The following COL5A1 variants were observed in gnomAD, a reference collection of about 807,000 sequenced individuals.
COL5A1 encodes collagen alpha-1(V) chain.
In COL5A1, 16 loss-of-function variants were observed where a neutral mutation model predicts 263.7. The ratio of observed to expected loss-of-function variants is 0.06; its 90% confidence interval spans 0.04 to 0.09. COL5A1 has a LOEUF of 0.09. Ranked by LOEUF, COL5A1 falls within the 10% of genes least tolerant of loss-of-function variation. The pLI is 1.00. For synonymous variants in COL5A1, 1,012 were observed against 1,004.5 expected, an observed-to-expected ratio of 1.01 and a Z score of -0.14; for missense variants, 2,036 against 2,540.5, an observed-to-expected ratio of 0.80 and a Z score of 4.27.
At chr9:134,744,193 C>T (rs1835389537) in intron 11 of COL5A1, among the ~76,000 whole-genome samples, 1 of 152,180 alleles carries the variant, frequency 6.6e-6, no homozygotes, top group South Asian at 2.1e-4. Context: ...TGGGACACGC[C>T]AATCCAGTCT....
chr9:134,760,704 C>A (rs1398300296), intron 18 of COL5A1, among the ~76,000 whole-genome samples: 1 of 145,118 alleles, frequency 6.9e-6, no homozygotes. Flanking sequence ...TGCACACACA[C>A]ACCCACACAC....
At position 134,765,516 on chromosome 9, in the gene COL5A1, G is replaced by A. The variant is rs192061157; in HGVS notation, c.2035-165G>A. On this transcript the variant is annotated intron_variant, in intron 20 of 65. Coordinates refer to ENST00000371817, the MANE Select transcript of COL5A1 (RefSeq NM_000093.5). This position sits in a 1 kb window ranked among gnomAD's most constrained non-coding sequence, Gnocchi z 5.1. ...CCAGGGTGGGGTGGAGGGAGGCAGC[G>A]CAGCAGGCTGGGAGGGAGTCTGGGC... Among the ~76,000 whole-genome samples, 11 of 152,190 alleles carry A rather than the reference G, an allele frequency of 7.2e-5. No individual in the cohort carries two copies. Among genetic ancestry groups the A allele is most frequent in the African/African-American group, 1.4e-4 (6 of 41,520 alleles).
At chr9:134,690,349 T>G (rs4842143) in intron 1 of COL5A1, among the ~76,000 whole-genome samples, 74,005 of 152,028 alleles carry the variant, frequency 0.49, 19,392 homozygotes, top group Non-Finnish European at 0.6. Context: ...CCCCGTGACC[T>G]CTGGAGGGGC....
chr9:134,650,302 T>C (rs1831632022), intron 1 of COL5A1, among the ~76,000 whole-genome samples: 1 of 152,200 alleles, frequency 6.6e-6, no homozygotes, highest in Non-Finnish European at 1.5e-5. Context: ...CGTAACCGTC[T>C]TCCATTGGAA....
At chr9:134,714,142 G>T (rs1005499542) in intron 4 of COL5A1, among the ~76,000 whole-genome samples, 2 of 152,254 alleles carry the variant, frequency 1.3e-5, no homozygotes, top group Middle Eastern at 6.8e-3. Context: ...AATACTGGTT[G>T]AATGAACAAA....
At chr9:134,834,388 G>A (rs1839769206) in intron 64 of COL5A1, among the ~76,000 whole-genome samples, 2 of 152,230 alleles carry the variant, frequency 1.3e-5, no homozygotes, top group South Asian at 4.1e-4. Flanking sequence ...GCACCCAGGT[G>A]GCAGAAGGGG....
intron 18 of COL5A1, among the ~76,000 whole-genome samples, chr9:134,759,841 C>T (rs546926429): frequency 1.6e-4 from 11 of 69,612 alleles, no homozygotes; most frequent in East Asian, 8.1e-4. Context: ...CCCCCACTCA[C>T]GCACACCCCC....
chr9:134,808,694 G>C (rs536544377), intron 42 of COL5A1, among the ~76,000 whole-genome samples: 4 of 152,236 alleles, frequency 2.6e-5, no homozygotes, highest in Non-Finnish European at 5.9e-5. Flanking sequence ...ATGCACATGT[G>C]TGTGCGTACA....
chr9:134,642,361 C>A lies in COL5A1; in HGVS notation c.109+65C>A. The A allele has an allele frequency of 2.7e-6, 1 of 369,336 alleles. No individual in the cohort carries two copies. The highest frequency in any genetic ancestry group is 4.3e-6 in the Non-Finnish European group (1 of 232,702). 22.9% of individuals were successfully genotyped at this position (369,336 alleles called of 1,614,324 possible). ...CGCGCAGCCCGGGCGCCGCTGTCATCCCCGGGCGCCTTCGCCCGCAGAACT... is the reference window on the plus strand; with the variant it reads ...CGCGCAGCCCGGGCGCCGCTGTCATACCCGGGCGCCTTCGCCCGCAGAACT... On this transcript the variant is annotated intron_variant, in intron 1 of 65. Transcript: ENST00000371817. This position sits in a 1 kb window ranked among gnomAD's most constrained non-coding sequence, Gnocchi z 4.5.
In COL5A1 at chr9:134,835,005, G is replaced by C; in HGVS notation, c.5171G>C (p.Gly1724Ala). 1.2e-6 allele frequency: 2 copies of C among 1,613,774 alleles called. No homozygotes were observed. The highest frequency in any genetic ancestry group is 1.6e-4 in the Middle Eastern group (1 of 6,062). ...GTGGACGCCGAGGGCAACCCTGTGGGTGTGGTACAGATGACCTTCCTGCGG... is the reference window on the plus strand; with the variant it reads ...GTGGACGCCGAGGGCAACCCTGTGGCTGTGGTACAGATGACCTTCCTGCGG... ...SYVDAEGNPVGVVQMTFLRLL... is the reference protein window; with the variant it reads ...SYVDAEGNPVAVVQMTFLRLL... The change falls in exon 65 of 66, where the codon GGT becomes GCT. Residue 1724 changes from glycine (G) to alanine (A), a missense_variant. This residue lies in a region of COL5A1 where 358 missense variants were observed against 384.6 expected (regional missense o/e 0.93). Coordinates refer to ENST00000371817, the MANE Select transcript of COL5A1 (RefSeq NM_000093.5).
At position 134,825,860 on chromosome 9, in the gene COL5A1, G is replaced by A; in HGVS notation, c.5023G>A (p.Ala1675Thr). The A allele has an allele frequency of 6.2e-7, 1 of 1,613,422 alleles. No homozygotes were observed. Among genetic ancestry groups the A allele is most frequent in the South Asian group, 1.1e-5 (1 of 91,050 alleles). Residue 1675 changes from alanine to threonine, a missense_variant, in exon 63 of 66, where the codon GCC (alanine) becomes ACC (threonine). Physicochemically the swap from Ala to Thr is moderately conservative, Grantham distance 58 (BLOSUM62 0). Around this residue, in one of 3 missense-constraint regions of COL5A1, gnomAD observed 358 missense variants for 384.6 expected, o/e 0.93. Transcript: ENST00000371817. ...DSFKVYCNFT[A>T]GGSTCVFPDK... is the part of the protein sequence containing the mutation. Reference sequence around the variant, plus strand: ...CTTCAAGGTTTACTGCAACTTCACAGCCGGGGGGTCGACATGCGTCTTCCC... The same window carrying A: ...CTTCAAGGTTTACTGCAACTTCACAACCGGGGGGTCGACATGCGTCTTCCC...
intron 54 of COL5A1, 40 bp downstream of exon 54, chr9:134,817,871 C>A (rs776564412): frequency 6.4e-7 from 1 of 1,559,832 alleles, no homozygotes; most frequent in Admixed American, 1.9e-5. Flanking sequence ...GCGTAGACCT[C>A]CCCCAGGGGA....
intron 2 of COL5A1, among the ~76,000 whole-genome samples, chr9:134,698,325 G>A (rs1192561012): frequency 2.0e-5 from 3 of 152,248 alleles, no homozygotes; most frequent in Admixed American, 2.0e-4. Flanking sequence ...CAGGGTGCCC[G>A]GCCACAGCTG....
chr9:134,725,918 T>C (rs1435273618), intron 4 of COL5A1, among the ~76,000 whole-genome samples: 1 of 152,254 alleles, frequency 6.6e-6, no homozygotes, highest in Admixed American at 6.5e-5. Flanking sequence ...TGAACACTTG[T>C]ATACATTTAT....
Position 134,739,936 on chromosome 9 carries a change from G to A in COL5A1, c.1494+1128G>A, listed in dbSNP as rs376087251. Among the ~76,000 whole-genome samples the A allele has an allele frequency of 2.0e-5, 3 of 152,302 alleles. No individual in the cohort carries two copies. The East Asian group carries it at 5.8e-4, about 29-fold the overall frequency. Reference sequence around the variant, plus strand: ...GGAGAAGGATTCAGGTCAGCTATGCGGGAGGAGGTTGTTATCGTTCTGTGT... The same window carrying A: ...GGAGAAGGATTCAGGTCAGCTATGCAGGAGGAGGTTGTTATCGTTCTGTGT... On this transcript the variant is annotated intron_variant, in intron 11 of 65. Coordinates refer to ENST00000371817, the MANE Select transcript of COL5A1 (RefSeq NM_000093.5).
At chr9:134,798,314 A>G in intron 36 of COL5A1, 94 bp from the exon 37 acceptor site, 1 of 1,164,926 alleles carries the variant, frequency 8.6e-7, no homozygotes, top group Non-Finnish European at 1.3e-6. Context: ...GGCAGGAGCC[A>G]TGGAAATAAC....
chr9:134,730,223 C>T lies in COL5A1; in HGVS notation c.925-13C>T. The T allele has an allele frequency of 6.2e-6, 10 of 1,612,872 alleles. No individual in the cohort carries two copies. Among genetic ancestry groups the T allele is most frequent in the Non-Finnish European group, 8.5e-6 (10 of 1,179,970 alleles). ...CCGCCCTGACTCCAGCTGTCTCTGT[C>T]CTTGGCTCCCAGGAGCTGACCCCGA... is the stretch of plus-strand genomic sequence containing the variant. On this transcript the variant is annotated splice_polypyrimidine_tract_variant and intron_variant, in intron 6 of 65. Transcript: ENST00000371817.
intron 49 of COL5A1, 56 bp downstream of exon 49, chr9:134,814,092 G>A (rs1027972516): frequency 8.8e-5 from 134 of 1,521,448 alleles, no homozygotes; most frequent in Middle Eastern, 1.7e-4. Flanking sequence ...GTGTGTGGAC[G>A]GGGTGCTGGG....
intron 37 of COL5A1, among the ~76,000 whole-genome samples, chr9:134,801,450 CA>C (rs1210849804): frequency 6.6e-6 from 1 of 152,206 alleles, no homozygotes; most frequent in East Asian, 1.9e-4. Flanking sequence ...GATGCAGAGG[CA>C]GGAGAGCAGC....
Sources: allele counts gnomAD v4.1 joint callset (sites outside exome capture counted in the v4.1 genomes callset), GRCh38; gene constraint gnomAD v4.1.1; regional missense constraint gnomAD v4.1.1; non-coding constraint Gnocchi (gnomAD v3.1); transcripts MANE v1.5; gene names NCBI Gene and HGNC (gene_info 2026-07-23, HGNC 2026-07-21).